Variants in ZBTB7C observed in about 807,000 individuals in gnomAD.
ZBTB7C encodes the protein zinc finger and BTB domain-containing protein 7C.
A neutral mutation model predicts 25.7 loss-of-function variants in ZBTB7C; 8 were observed. That is an observed-to-expected ratio of 0.31 (90% CI 0.18 to 0.56). The LOEUF is 0.56. Among genes scored for constraint, ZBTB7C ranks in the 20% least tolerant of loss-of-function variants. ZBTB7C has a pLI of 0.91. For missense variants in ZBTB7C, 824 were observed against 855.2 expected, an observed-to-expected ratio of 0.96 and a Z score of 0.46; for synonymous variants, 394 against 369.0, an observed-to-expected ratio of 1.07 and a Z score of -0.78.
chr18:48,342,970 G>A (rs748053200), intron 1 of ZBTB7C, among the ~76,000 whole-genome samples: 12 of 152,126 alleles, frequency 7.9e-5, no homozygotes, highest in Non-Finnish European at 1.6e-4. Flanking sequence ...CATACTTAGT[G>A]ACCCGACAGT....
chr18:48,086,094 C>T (rs1253681639), intron 3 of ZBTB7C, among the ~76,000 whole-genome samples: 1 of 152,206 alleles, frequency 6.6e-6, no homozygotes, highest in East Asian at 1.9e-4. Context: ...CCACCTTCGT[C>T]ATGAAGGACA....
chr18:48,029,519 A>T lies in ZBTB7C; in HGVS notation c.1601T>A (p.Phe534Tyr), dbSNP rs759781201. ...CLPGPSPAKH[F>Y]LAAPKGALSL... is the part of the protein sequence containing the mutation. The stretch of plus-strand genomic sequence containing the variant: ...CAGGGCGCCCTTGGGCGCTGCCAGG[A>T]AGTGCTTGGCGGGGCTGGGGCCCGG... Residue 534 changes from phenylalanine to tyrosine, a missense_variant, in exon 5 of 5, where the codon TTC becomes TAC. Around this residue, in one of 4 missense-constraint regions of ZBTB7C, gnomAD observed 342 missense variants for 307.0 expected, o/e 1.11. Transcript: ENST00000590800. The T allele has an allele frequency of 3.2e-6, 5 of 1,582,618 alleles. No individual in the cohort carries two copies. In the Admixed American group the frequency reaches 8.8e-5, roughly 28 times the overall value.
chr18:48,133,599 CTAT>C (rs2040054018), intron 3 of ZBTB7C, among the ~76,000 whole-genome samples: 1 of 132,490 alleles, frequency 7.5e-6, no homozygotes, highest in African/African-American at 3.6e-5. Flanking sequence ...ATTCCCCACG[CTAT>C]TTTTTTTTTT....
intron 1 of ZBTB7C, among the ~76,000 whole-genome samples, chr18:48,392,797 T>C (rs568695095): frequency 3.3e-5 from 5 of 152,316 alleles, no homozygotes; most frequent in African/African-American, 1.2e-4. Flanking sequence ...GGGTATTTGG[T>C]GACCTCCATG....
intron 2 of ZBTB7C, among the ~76,000 whole-genome samples, chr18:48,267,840 C>A (rs897038162): frequency 2.6e-5 from 4 of 152,192 alleles, no homozygotes; most frequent in African/African-American, 9.6e-5. Context: ...TCACCAGACA[C>A]CAAATCTACG....
chr18:48,035,826 G>A (rs906788907), intron 4 of ZBTB7C, among the ~76,000 whole-genome samples: 8 of 152,352 alleles, frequency 5.3e-5, no homozygotes, highest in African/African-American at 1.9e-4. Flanking sequence ...GGAAGAGAAG[G>A]GAAAGGATTC....
chr18:48,405,704 C>T (rs1444264131), intron 1 of ZBTB7C, among the ~76,000 whole-genome samples: 1 of 151,904 alleles, frequency 6.6e-6, no homozygotes, highest in Non-Finnish European at 1.5e-5. Context: ...CTCCGGTACC[C>T]TCCCTGCAGG....
intron 2 of ZBTB7C, among the ~76,000 whole-genome samples, chr18:48,260,733 A>G (rs2044149055): frequency 6.6e-6 from 1 of 152,224 alleles, no homozygotes; most frequent in South Asian, 2.1e-4. Context: ...AAACCAAAGC[A>G]CAAGACACCA....
At chr18:48,129,516 G>A (rs1418936196) in intron 3 of ZBTB7C, among the ~76,000 whole-genome samples, 1 of 152,106 alleles carries the variant, frequency 6.6e-6, no homozygotes, top group Non-Finnish European at 1.5e-5. Flanking sequence ...CTCCTCTGCA[G>A]GTCCAGGCCA....
At chr18:48,117,596 G>C (rs2039485944) in intron 3 of ZBTB7C, among the ~76,000 whole-genome samples, 1 of 152,140 alleles carries the variant, frequency 6.6e-6, no homozygotes, top group South Asian at 2.1e-4. Context: ...ATGGTTGTAA[G>C]GGTTCAGTAA....
intron 3 of ZBTB7C, among the ~76,000 whole-genome samples, chr18:48,118,049 G>A (rs1253299571): frequency 1.4e-5 from 2 of 145,604 alleles, no homozygotes; most frequent in East Asian, 2.0e-4. Flanking sequence ...TCGGTTGCCC[G>A]GGCTGGAGTG....
At chr18:48,134,417 A>G (rs1189879618) in intron 3 of ZBTB7C, among the ~76,000 whole-genome samples, 7 of 151,976 alleles carry the variant, frequency 4.6e-5, no homozygotes. Flanking sequence ...GAAGGAGGAC[A>G]GGATTCTCAG....
At chr18:48,295,071 CA>C (rs887064599) in intron 2 of ZBTB7C, among the ~76,000 whole-genome samples, 1 of 152,084 alleles carries the variant, frequency 6.6e-6, no homozygotes, top group African/African-American at 2.4e-5. Context: ...CAGTGCCACT[CA>C]GGAAGCTTTC....
chr18:48,170,136 C>T (rs985737690), intron 3 of ZBTB7C, among the ~76,000 whole-genome samples: 2 of 152,246 alleles, frequency 1.3e-5, no homozygotes, highest in African/African-American at 4.8e-5. Flanking sequence ...ATGGCCTGTG[C>T]ATTGGGGTGA....
At chr18:48,284,911 T>TA (rs1178101752) in intron 2 of ZBTB7C, among the ~76,000 whole-genome samples, 4 of 152,052 alleles carry the variant, frequency 2.6e-5, no homozygotes, top group African/African-American at 9.7e-5. Context: ...CCAGCATGGA[T>TA]AAGACTGCCT....
intron 3 of ZBTB7C, among the ~76,000 whole-genome samples, chr18:48,118,451 T>C (rs1298156542): frequency 6.6e-6 from 1 of 152,244 alleles, no homozygotes; most frequent in East Asian, 1.9e-4. Flanking sequence ...AGGGTTAATA[T>C]ATTAACTTTT....
intron 2 of ZBTB7C, among the ~76,000 whole-genome samples, chr18:48,224,730 T>C (rs1364434412): frequency 6.6e-6 from 1 of 152,142 alleles, no homozygotes; most frequent in East Asian, 1.9e-4. Flanking sequence ...ATTCCATGAA[T>C]TGGGAAGAAT....
At chr18:48,262,231 T>C (rs566060597) in intron 2 of ZBTB7C, among the ~76,000 whole-genome samples, 2 of 152,338 alleles carry the variant, frequency 1.3e-5, no homozygotes, top group East Asian at 3.9e-4. Context: ...GAGCTGGATG[T>C]CAACCCAAGC....
chr18:48,148,885 C>G (rs924180891), intron 3 of ZBTB7C: 2 of 152,142 alleles, frequency 1.3e-5, no homozygotes, highest in African/African-American at 2.4e-5. Context: ...TACCTTTGAT[C>G]CAAAAGAGGA....
Sources: gnomAD v4.1 joint callset for allele counts (sites outside exome capture counted in the v4.1 genomes callset) on GRCh38, gnomAD v4.1.1 for gene constraint, gnomAD v4.1.1 regional missense constraint, MANE v1.5 for transcripts, NCBI Gene and HGNC (gene_info 2026-07-23, HGNC 2026-07-21) for gene names.